CADPS2: variants seen among roughly 807,000 people sequenced by gnomAD.
The protein encoded by CADPS2 is calcium dependent secretion activator 2, also known as calcium-dependent secretion activator 2.
Under a neutral mutation model 172.5 loss-of-function variants are expected in CADPS2, and 93 were observed. The ratio of observed to expected loss-of-function variants is 0.54; its 90% CI spans 0.46 to 0.64. The LOEUF (loss-of-function observed/expected upper bound fraction) is 0.64. Ranked by LOEUF, CADPS2 falls within the 30% of genes least tolerant of loss-of-function variation. The pLI, the probability that CADPS2 is intolerant of heterozygous loss-of-function variation, is 0.00. For missense variants in CADPS2, 1,420 were observed against 1,565.9 expected (o/e 0.91, Z 1.57); for synonymous variants, 546 against 555.2 (o/e 0.98, Z 0.23).
chr7:122,490,401 G>A, intron 10 of CADPS2, 120 bp from the exon 11 acceptor site: 1 of 718,692 alleles, frequency 1.4e-6, no homozygotes, highest in Non-Finnish European at 2.3e-6. Flanking sequence ...ATGTTTTAAA[G>A]AATATTTAGT....
At chr7:122,796,112 T>C (rs977009199) in intron 1 of CADPS2, among the ~76,000 whole-genome samples, 35 of 152,050 alleles carry the variant, frequency 2.3e-4, no homozygotes, top group African/African-American at 8.2e-4. Context: ...CCATTCACAA[T>C]TGCCACAAAA....
intron 12 of CADPS2, among the ~76,000 whole-genome samples, chr7:122,477,883 T>C (rs988906678): frequency 2.0e-5 from 3 of 152,168 alleles, no homozygotes; most frequent in African/African-American, 7.2e-5. Flanking sequence ...TCTAGACTTG[T>C]TCATCCTACA....
chr7:122,635,379 T>G (rs530391730), intron 3 of CADPS2, among the ~76,000 whole-genome samples: 2 of 152,012 alleles, frequency 1.3e-5, no homozygotes, highest in South Asian at 4.2e-4. Context: ...GCTGCACCCA[T>G]TAACTCGTCA....
intron 3 of CADPS2, among the ~76,000 whole-genome samples, chr7:122,643,205 A>G (rs1487868050): frequency 1.3e-5 from 2 of 152,250 alleles, no homozygotes; most frequent in African/African-American, 4.8e-5. Context: ...AAATATGCAT[A>G]GATTTTGCAA....
chr7:122,705,667 A>AATATATCACAT (rs1564121480), intron 2 of CADPS2, among the ~76,000 whole-genome samples: 1 of 78,550 alleles, frequency 1.3e-5, no homozygotes, highest in East Asian at 2.8e-4. Flanking sequence ...TCTCATATAT[A>AATATATCACAT]ATATATTATA....
intron 8 of CADPS2, among the ~76,000 whole-genome samples, chr7:122,517,016 T>C (rs966649879): frequency 6.6e-6 from 1 of 152,102 alleles, no homozygotes; most frequent in Non-Finnish European, 1.5e-5. Flanking sequence ...CATTTCCACC[T>C]CCCCAAAAGT....
At chr7:122,766,450 A>C (rs1016928032) in intron 1 of CADPS2, among the ~76,000 whole-genome samples, 9 of 152,142 alleles carry the variant, frequency 5.9e-5, no homozygotes, top group African/African-American at 2.2e-4. Context: ...CTACATTTCT[A>C]ATCATTTTAC....
intron 7 of CADPS2, among the ~76,000 whole-genome samples, chr7:122,565,615 C>T (rs561862787): frequency 2.4e-4 from 36 of 152,214 alleles, no homozygotes; most frequent in African/African-American, 6.7e-4. Flanking sequence ...ACTCATACAA[C>T]GCATATAATA....
rs773674451 is a variant in CADPS2 at position 122,320,000 on chromosome 7, C to A, written c.*165G>T. ...AAAGGAAACAAAAAAACCCCAAAATCTTGGCATTTCCCCTTTTACTCTACA... is the reference window on the plus strand; with the variant it reads ...AAAGGAAACAAAAAAACCCCAAAATATTGGCATTTCCCCTTTTACTCTACA... On this transcript the variant is annotated 3_prime_UTR_variant, in exon 30 of 30. Coordinates refer to ENST00000449022, the MANE Select transcript of CADPS2 (RefSeq NM_017954.11). 2 of 628,920 alleles carry A rather than the reference C, an allele frequency of 3.2e-6. No homozygotes were observed. The highest frequency in any genetic ancestry group is 4.7e-6 in the Non-Finnish European group (2 of 427,084). 39.0% of individuals were successfully genotyped at this position (628,920 alleles called of 1,614,324 possible).
chr7:122,486,166 A>G lies in CADPS2; in HGVS notation c.1852+3915T>C, dbSNP rs529298121. Among the ~76,000 whole-genome samples the G allele has an allele frequency of 1.4e-3, 214 of 152,282 alleles. 1 individual carries two copies. The highest frequency in any genetic ancestry group is 5.0e-3 in the African/African-American group (209 of 41,560). ...CCATTCTGCAGCCCACAGATCAAGG[A>G]GTAATTTCAACTTTCAAGTCTTATT... On this transcript the variant is annotated intron_variant, in intron 11 of 29. Coordinates refer to ENST00000449022, the MANE Select transcript of CADPS2 (RefSeq NM_017954.11).
At chr7:122,439,409 G>C (rs893918017) in intron 16 of CADPS2, 4 of 152,078 alleles carry the variant, frequency 2.6e-5, no homozygotes, top group Admixed American at 6.6e-5. Context: ...AGAAGACAAT[G>C]CTTTCGTAAG....
chr7:122,502,497 C>A (rs1181173768), intron 9 of CADPS2, among the ~76,000 whole-genome samples: 1 of 151,740 alleles, frequency 6.6e-6, no homozygotes, highest in Admixed American at 6.6e-5. Context: ...AAAGACATAA[C>A]CCATATTTTC....
chr7:122,819,903 C>T (rs887160336), intron 1 of CADPS2, among the ~76,000 whole-genome samples: 4 of 152,122 alleles, frequency 2.6e-5, no homozygotes, highest in Non-Finnish European at 5.9e-5. Flanking sequence ...CCCCACTCAA[C>T]GCCAATATCC....
chr7:122,508,292 A>C (rs1394534384), intron 9 of CADPS2, among the ~76,000 whole-genome samples: 5 of 151,998 alleles, frequency 3.3e-5, no homozygotes, highest in Non-Finnish European at 7.4e-5. Flanking sequence ...AGAATTATAC[A>C]TATATTGATG....
rs769564195 is a variant in CADPS2 at position 122,698,200 on chromosome 7, C to T, written c.454-34631G>A. 9 of 1,613,740 alleles carry T rather than the reference C, an allele frequency of 5.6e-6. No individual in the cohort carries two copies. In the East Asian group the frequency reaches 6.7e-5, roughly 12 times the overall value. ...TTCTTCATCCCCCTCTTTTACTACT[C>T]GAAGTTGGAGTTGTCCAAATGTGTT... is the stretch of plus-strand genomic sequence containing the variant. On this transcript the variant is annotated intron_variant, in intron 2 of 29. Coordinates refer to ENST00000449022, the MANE Select transcript of CADPS2 (RefSeq NM_017954.11).
At chr7:122,816,606 C>T (rs1341531280) in intron 1 of CADPS2, among the ~76,000 whole-genome samples, 2 of 152,170 alleles carry the variant, frequency 1.3e-5, no homozygotes, top group Non-Finnish European at 2.9e-5. Flanking sequence ...GAGGAACCTC[C>T]ATACTGTTTT....
intron 8 of CADPS2, 30 bp downstream of exon 8, chr7:122,554,520 C>A: frequency 1.3e-6 from 2 of 1,549,834 alleles, no homozygotes; most frequent in South Asian, 2.4e-5. Context: ...TTCAATAATT[C>A]AGGAAAAAAA....
intron 6 of CADPS2, among the ~76,000 whole-genome samples, chr7:122,611,593 T>C (rs1400933576): frequency 1.3e-5 from 2 of 151,964 alleles, no homozygotes; most frequent in Non-Finnish European, 2.9e-5. Context: ...AATCAGAGAA[T>C]TACTACCAAA....
chr7:122,579,121 G>C (rs913027750), intron 7 of CADPS2, among the ~76,000 whole-genome samples: 1 of 152,024 alleles, frequency 6.6e-6, no homozygotes, highest in Non-Finnish European at 1.5e-5. Context: ...GTAACAATTT[G>C]TAAGTCATTA....
Sources: allele counts gnomAD v4.1 joint callset (sites outside exome capture counted in the v4.1 genomes callset), GRCh38; gene constraint gnomAD v4.1.1; transcripts MANE v1.5; gene names NCBI Gene and HGNC (gene_info 2026-07-23, HGNC 2026-07-21).